Variants in LPIN2 observed in about 807,000 individuals in gnomAD.
LPIN2 encodes the protein lipin 2.
LPIN2 carries 55 observed loss-of-function variants against 111.4 expected under a neutral mutation model. That is an observed-to-expected ratio of 0.49 (90% CI 0.40 to 0.62). The LOEUF (loss-of-function observed/expected upper bound fraction) is 0.62, where lower values mean the gene tolerates loss of function less well. Among genes scored for constraint, LPIN2 ranks in the 20% least tolerant of loss-of-function variants. The pLI, the probability that LPIN2 is intolerant of heterozygous loss-of-function variation, is 0.00. For synonymous variants in LPIN2, 425 were observed against 414.0 expected, an observed-to-expected ratio of 1.03 and a Z score of -0.32; for missense variants, 992 against 1,112.1, an observed-to-expected ratio of 0.89 and a Z score of 1.54.
Position 2,925,133 on chromosome 18 carries a change from C to T in LPIN2, c.1938+91G>A. The T allele has an allele frequency of 1.3e-6, 2 of 1,508,660 alleles. No homozygotes were observed. Among genetic ancestry groups the T allele is most frequent in the Non-Finnish European group, 1.8e-6 (2 of 1,090,660 alleles). 93.5% of individuals were successfully genotyped at this position (1,508,660 alleles called of 1,614,324 possible). A position where few individuals can be genotyped will look rare whatever the true frequency, so the allele number is the denominator to read the frequency against. On this transcript the variant is annotated intron_variant, in intron 14 of 19. Coordinates refer to ENST00000677752, the MANE Select transcript of LPIN2 (RefSeq NM_001375808.2). The surrounding 1 kb of genome is among the most constrained non-coding windows in gnomAD (Gnocchi z 4.1). ...ACCATGCCGTGTGGCGTGTATGCAG[C>T]TGGGGACGTGTGGACAGAAGAGGAT... is the stretch of plus-strand genomic sequence containing the variant.
intron 1 of LPIN2, among the ~76,000 whole-genome samples, chr18:3,005,733 G>C (rs548781749): frequency 1.0e-4 from 15 of 149,810 alleles, no homozygotes; most frequent in Non-Finnish European, 1.5e-4. Context: ...CCTAATAAAC[G>C]TAACAACAAC....
intron 1 of LPIN2, among the ~76,000 whole-genome samples, chr18:2,979,542 T>C (rs778069684): frequency 4.6e-5 from 7 of 152,184 alleles, no homozygotes; most frequent in Non-Finnish European, 1.0e-4. Flanking sequence ...GAAGACAATT[T>C]TGTTTCCTCT....
intron 8 of LPIN2, among the ~76,000 whole-genome samples, chr18:2,934,050 G>A (rs541264922): frequency 6.6e-6 from 1 of 152,320 alleles, no homozygotes; most frequent in African/African-American, 2.4e-5. Flanking sequence ...TCCCAAGCAT[G>A]TTGAGTTTGT....
intron 18 of LPIN2, chr18:2,921,126 G>C: frequency 1.7e-6 from 1 of 583,642 alleles, no homozygotes; most frequent in Non-Finnish European, 3.0e-6. Flanking sequence ...GAAGAGGCCA[G>C]AGAGGCCACA....
chr18:2,937,076 T>C (rs1203653789), intron 7 of LPIN2, among the ~76,000 whole-genome samples: 1 of 152,218 alleles, frequency 6.6e-6, no homozygotes, highest in South Asian at 2.1e-4. Flanking sequence ...ACATACCTTA[T>C]CAATAAAGTG....
intron 2 of LPIN2, among the ~76,000 whole-genome samples, chr18:2,959,276 T>A (rs2077670778): frequency 6.6e-6 from 1 of 152,154 alleles, no homozygotes; most frequent in South Asian, 2.1e-4. Flanking sequence ...ATGTTTTTCC[T>A]GGAGGAAAAA....
chr18:3,000,628 A>T (rs1276046414), intron 1 of LPIN2, among the ~76,000 whole-genome samples: 1 of 152,178 alleles, frequency 6.6e-6, no homozygotes, highest in Non-Finnish European at 1.5e-5. Flanking sequence ...GCTACAGATG[A>T]TTCTACCTGT....
intron 4 of LPIN2, among the ~76,000 whole-genome samples, chr18:2,949,984 C>T (rs753617653): frequency 1.3e-5 from 2 of 151,808 alleles, no homozygotes; most frequent in Non-Finnish European, 1.5e-5. Context: ...ACATACAGTC[C>T]TAGCTACTTG....
intron 1 of LPIN2, among the ~76,000 whole-genome samples, chr18:2,982,103 A>G (rs1397857829): frequency 6.6e-6 from 1 of 152,166 alleles, no homozygotes; most frequent in African/African-American, 2.4e-5. Context: ...CAAGAGAGAA[A>G]ACTCTGGATT....
Position 2,946,418 on chromosome 18 carries a change from C to T in LPIN2, c.590+4637G>A, listed in dbSNP as rs527455696. The T allele has an allele frequency of 4.4e-4, 638 of 1,463,332 alleles. 6 individuals carry two copies. Among genetic ancestry groups the T allele is most frequent in the South Asian group, 3.3e-3 (294 of 87,940 alleles). The allele number at this position is 1,463,332 out of a possible 1,614,324, so 90.6% of individuals were successfully genotyped here. A position where few individuals can be genotyped will look rare whatever the true frequency, so the allele number is the denominator to read the frequency against. On this transcript the variant is annotated intron_variant, in intron 4 of 19. Transcript: ENST00000677752. ...AGTTGTTCTTCTCTTACAGCAAGAC[C>T]AACCCTTTAATGCATCGTGAAAGAC...
intron 4 of LPIN2, chr18:2,946,646 G>A: frequency 1.5e-6 from 1 of 658,136 alleles, no homozygotes; most frequent in Non-Finnish European, 2.8e-6. Flanking sequence ...TTTTTAAAGT[G>A]AGAAAAAAAT....
chr18:2,918,696 G>C lies in LPIN2; in HGVS notation c.*1597C>G, dbSNP rs1056681663. ...ACTGTGTTTAGGGGATTTCAACATTGTCTCTGCATCCGACAAGCACTAGGA... is the reference window on the plus strand; with the variant it reads ...ACTGTGTTTAGGGGATTTCAACATTCTCTCTGCATCCGACAAGCACTAGGA... On this transcript the variant is annotated 3_prime_UTR_variant, in exon 20 of 20. Transcript: ENST00000677752. The C allele has an allele frequency of 2.0e-5, 3 of 152,160 alleles. No homozygotes were observed. The highest frequency in any genetic ancestry group is 7.2e-5 in the African/African-American group (3 of 41,436). The allele number at this position is 152,160 out of a possible 1,614,324, so 9.4% of individuals were successfully genotyped here.
At position 2,925,196 on chromosome 18, in the gene LPIN2, T is replaced by A. The variant is rs1568514538; in HGVS notation, c.1938+28A>T. 6 of 1,613,956 alleles carry A rather than the reference T, an allele frequency of 3.7e-6. No homozygotes were observed. The highest frequency in any genetic ancestry group is 4.2e-6 in the Non-Finnish European group (5 of 1,179,852). ...AAACCATTACTAAAATAAGTCCTAC[T>A]GGACAACACAGATCATGCAAGACTC... On this transcript the variant is annotated intron_variant, in intron 14 of 19. Coordinates refer to ENST00000677752, the MANE Select transcript of LPIN2 (RefSeq NM_001375808.2). This position sits in a 1 kb window ranked among gnomAD's most constrained non-coding sequence, Gnocchi z 4.1.
intron 10 of LPIN2, 139 bp from the exon 11 acceptor site, chr18:2,928,799 T>C (rs968232008): frequency 6.6e-6 from 5 of 757,020 alleles, no homozygotes; most frequent in Admixed American, 4.0e-5. Flanking sequence ...TCAGCTGAAT[T>C]TTTTGTCACA....
chr18:2,978,693 G>C (rs1301361337), intron 1 of LPIN2, among the ~76,000 whole-genome samples: 1 of 152,182 alleles, frequency 6.6e-6, no homozygotes, highest in East Asian at 1.9e-4. Flanking sequence ...AGTTATTCTT[G>C]GCCTCCACTA....
rs1358162827 is a variant in LPIN2, at chr18:2,951,053, A to C, written c.590+2T>G. The C allele has an allele frequency of 6.2e-7, 1 of 1,613,916 alleles. No homozygotes were observed. The highest frequency in any genetic ancestry group is 8.5e-7 in the Non-Finnish European group (1 of 1,180,042). ...AGACCCTTCCCAGGCTGAGAGTCCT[A>C]CCGTGCTGCCTGGGCCCCCTTGTCA... On this transcript the variant is annotated splice_donor_variant, in intron 4 of 19. Coordinates refer to ENST00000677752, the MANE Select transcript of LPIN2 (RefSeq NM_001375808.2). LOFTEE classifies it high-confidence loss of function.
intron 1 of LPIN2, among the ~76,000 whole-genome samples, chr18:2,976,106 C>A (rs914845304): frequency 6.6e-6 from 1 of 152,190 alleles, no homozygotes; most frequent in South Asian, 2.1e-4. Context: ...CTTTGCTCAT[C>A]CCCCTTATTT....
intron 1 of LPIN2, among the ~76,000 whole-genome samples, chr18:2,963,261 C>A (rs967368759): frequency 6.6e-6 from 1 of 152,168 alleles, no homozygotes; most frequent in South Asian, 2.1e-4. Flanking sequence ...CCGTTAGTTA[C>A]GTCTGGAGGA....
At chr18:2,982,429 TTAAA>T (rs2078125115) in intron 1 of LPIN2, among the ~76,000 whole-genome samples, 2 of 152,176 alleles carry the variant, frequency 1.3e-5, no homozygotes, top group South Asian at 4.1e-4. Context: ...AAGTCTTTTG[TTAAA>T]TAACAACGAA....
Sources: gnomAD v4.1 joint callset for allele counts (sites outside exome capture counted in the v4.1 genomes callset) on GRCh38, gnomAD v4.1.1 for gene constraint, Gnocchi (gnomAD v3.1) non-coding constraint, MANE v1.5 for transcripts, NCBI Gene and HGNC (gene_info 2026-07-23, HGNC 2026-07-21) for gene names.